The following CDH4 variants were observed in gnomAD, a reference collection of about 807,000 sequenced individuals.
CDH4 encodes the protein cadherin 4.
Under a neutral mutation model 86.0 loss-of-function variants are expected in CDH4, and 33 were observed. That is an observed-to-expected ratio of 0.38 (90% CI 0.29 to 0.51). CDH4 has a LOEUF of 0.51. Among genes scored for constraint, CDH4 ranks in the 20% least tolerant of loss-of-function variants. CDH4 has a pLI of 0.86. For missense variants in CDH4, 1,114 were observed against 1,307.4 expected, an observed-to-expected ratio of 0.85 and a Z score of 2.28; for synonymous variants, 555 against 549.4, an observed-to-expected ratio of 1.01 and a Z score of -0.14.
chr20:61,351,310 C>T (rs775708661), intron 2 of CDH4, among the ~76,000 whole-genome samples: 1 of 152,184 alleles, frequency 6.6e-6, no homozygotes, highest in East Asian at 1.9e-4. Flanking sequence ...ACATTGTATT[C>T]CATAATATAA....
chr20:61,659,462 G>A (rs1376623519), intron 2 of CDH4, among the ~76,000 whole-genome samples: 1 of 152,230 alleles, frequency 6.6e-6, no homozygotes, highest in African/African-American at 2.4e-5. Flanking sequence ...GGGGCCTGGA[G>A]GAAGCTGCCT....
intron 2 of CDH4, among the ~76,000 whole-genome samples, chr20:61,444,340 T>C (rs1391688063): frequency 6.4e-5 from 9 of 140,184 alleles, no homozygotes; most frequent in East Asian, 2.6e-4. Context: ...TGTTTCTCTG[T>C]GTGTGTCTGT....
intron 2 of CDH4, among the ~76,000 whole-genome samples, chr20:61,263,875 G>A (rs1336407944): frequency 6.6e-6 from 1 of 152,092 alleles, no homozygotes; most frequent in Non-Finnish European, 1.5e-5. Context: ...CGTCTTCAGA[G>A]CCAGCCGTGA....
chr20:61,900,320 TGCACAGTGCAAGCCTCGGCC>T (rs112866906), intron 8 of CDH4, among the ~76,000 whole-genome samples: 113,451 of 151,812 alleles, frequency 0.75, 44,811 homozygotes, highest in Non-Finnish European at 0.89. Context: ...TACGCTTGGG[TGCACAGTGCAAGCCTCGGCC>T]GCACAGTGCA....
In CDH4 at chr20:61,663,307, G is replaced by A. The variant is rs2087282111; in HGVS notation, c.170-80256G>A. On this transcript the variant is annotated intron_variant, in intron 2 of 15. Coordinates refer to ENST00000614565, the MANE Select transcript of CDH4 (RefSeq NM_001794.5). This position sits in a 1 kb window ranked among gnomAD's most constrained non-coding sequence, Gnocchi z 5.0. ...ACGCAGGAAAGGAGTGGCACCCGCA[G>A]GAGGCCTGTGCTGCGGAGCTCCTGG... 6.6e-6 allele frequency among the ~76,000 whole-genome samples: 1 copy of A among 152,260 alleles called. No homozygotes were observed. The highest frequency in any genetic ancestry group is 2.4e-5 in the African/African-American group (1 of 41,474).
intron 4 of CDH4, among the ~76,000 whole-genome samples, chr20:61,792,947 C>T (rs533341417): frequency 1.4e-5 from 2 of 146,832 alleles, no homozygotes; most frequent in South Asian, 2.2e-4. Flanking sequence ...CCGTGCCTGG[C>T]CTATGTGTTT....
intron 3 of CDH4, among the ~76,000 whole-genome samples, chr20:61,746,877 G>T (rs1033699364): frequency 1.3e-5 from 2 of 152,210 alleles, no homozygotes; most frequent in East Asian, 3.9e-4. Context: ...CAGGGAGTGG[G>T]GGTCACTGTG....
At chr20:61,636,060 C>T (rs767074001) in intron 2 of CDH4, among the ~76,000 whole-genome samples, 31 of 152,304 alleles carry the variant, frequency 2.0e-4, no homozygotes, top group African/African-American at 3.4e-4. Context: ...CTGATGAATG[C>T]GGGGGGCTCC....
At chr20:61,401,987 C>G (rs112105542) in intron 2 of CDH4, among the ~76,000 whole-genome samples, 1 of 152,210 alleles carries the variant, frequency 6.6e-6, no homozygotes, top group Non-Finnish European at 1.5e-5. Flanking sequence ...AGGTGTATCA[C>G]GGAGGCCAGC....
chr20:61,896,444 A>G (rs1985125056), intron 8 of CDH4, among the ~76,000 whole-genome samples: 1 of 152,160 alleles, frequency 6.6e-6, no homozygotes, highest in Non-Finnish European at 1.5e-5. Context: ...GTGAGCACAC[A>G]ACGCCATCTG....
intron 2 of CDH4, 139 bp downstream of exon 2, chr20:61,255,076 T>C (rs2084091349): frequency 1.6e-6 from 1 of 635,066 alleles, no homozygotes; most frequent in Admixed American, 2.6e-5. Context: ...GAGGTGCAAA[T>C]TGGTTGACCT....
chr20:61,709,464 C>T lies in CDH4; in HGVS notation c.170-34099C>T, dbSNP rs150768072. Among the ~76,000 whole-genome samples the T allele has an allele frequency of 5.5e-3, 833 of 152,052 alleles. 9 individuals are homozygous for T. Among genetic ancestry groups the T allele is most frequent in the African/African-American group, 0.017 (708 of 41,478 alleles). Reference sequence around the variant, plus strand: ...TATTTTTTTCTATTTTTAGGAGGGACGGGGTTTCACCATGTTGGCCAGGCT... The same window carrying T: ...TATTTTTTTCTATTTTTAGGAGGGATGGGGTTTCACCATGTTGGCCAGGCT... On this transcript the variant is annotated intron_variant, in intron 2 of 15. Transcript: ENST00000614565. This position sits in a 1 kb window ranked among gnomAD's most constrained non-coding sequence, Gnocchi z 4.8.
intron 2 of CDH4, among the ~76,000 whole-genome samples, chr20:61,257,103 A>G (rs996411574): frequency 1.3e-5 from 2 of 152,172 alleles, no homozygotes; most frequent in African/African-American, 4.8e-5. Flanking sequence ...GATAATGACT[A>G]CTTATAATTG....
At chr20:61,656,897 C>T (rs1440142172) in intron 2 of CDH4, among the ~76,000 whole-genome samples, 1 of 152,190 alleles carries the variant, frequency 6.6e-6, no homozygotes, top group Non-Finnish European at 1.5e-5. Context: ...CATGTGGAGG[C>T]TGCCAGCCTT....
chr20:61,833,048 A>T (rs901015695), intron 4 of CDH4, among the ~76,000 whole-genome samples: 1 of 152,102 alleles, frequency 6.6e-6, no homozygotes, highest in African/African-American at 2.4e-5. Context: ...AAGTGCTGAG[A>T]GCCCCGTCAG....
intron 2 of CDH4, among the ~76,000 whole-genome samples, chr20:61,405,602 C>T (rs1287169451): frequency 6.6e-6 from 1 of 152,046 alleles, no homozygotes; most frequent in East Asian, 1.9e-4. Context: ...AGAAATAGAA[C>T]CCAAGGGTCT....
chr20:61,574,642 G>A (rs1288390748), intron 2 of CDH4, among the ~76,000 whole-genome samples: 3 of 152,202 alleles, frequency 2.0e-5, no homozygotes, highest in Non-Finnish European at 4.4e-5. Context: ...TCCGGCCACT[G>A]AGAAGGTGCC....
chr20:61,751,981 G>T (rs111228380), intron 3 of CDH4, among the ~76,000 whole-genome samples: 26 of 152,192 alleles, frequency 1.7e-4, no homozygotes, highest in Admixed American at 1.7e-3. Context: ...AAGCTTCCTC[G>T]CACATGGCAC....
chr20:61,458,803 G>T (rs1306288872), intron 2 of CDH4, among the ~76,000 whole-genome samples: 1 of 151,984 alleles, frequency 6.6e-6, no homozygotes, highest in Non-Finnish European at 1.5e-5. Flanking sequence ...AGTGGTGGTG[G>T]CAATGAGTGA....
Sources: allele counts gnomAD v4.1 joint callset (sites outside exome capture counted in the v4.1 genomes callset), GRCh38; gene constraint gnomAD v4.1.1; non-coding constraint Gnocchi (gnomAD v3.1); transcripts MANE v1.5; gene names NCBI Gene and HGNC (gene_info 2026-07-23, HGNC 2026-07-21).